RB1CC1: variants seen among roughly 807,000 people sequenced by gnomAD.
The protein encoded by RB1CC1 is RB1-inducible coiled-coil protein 1.
RB1CC1 carries 46 observed loss-of-function variants against 177.5 expected under a neutral mutation model. The ratio of observed to expected loss-of-function variants is 0.26; its 90% confidence interval spans 0.20 to 0.33. The LOEUF is 0.33. Ranked by LOEUF, RB1CC1 falls within the 10% of genes least tolerant of loss-of-function variation. The probability of loss-of-function intolerance (pLI) is 1.00; values close to 1 mark genes in which losing one functional copy is unlikely to be tolerated. For missense variants in RB1CC1, 1,703 were observed against 1,816.3 expected (o/e 0.94, Z 1.13); for synonymous variants, 666 against 613.6 (o/e 1.09, Z -1.26).
chr8:52,698,783 C>T (rs1855726093), intron 1 of RB1CC1, among the ~76,000 whole-genome samples: 1 of 138,930 alleles, frequency 7.2e-6, no homozygotes, highest in African/African-American at 2.7e-5. Context: ...CTCCCCTTCC[C>T]GAATTCAAGT....
intron 1 of RB1CC1, among the ~76,000 whole-genome samples, chr8:52,707,933 T>C (rs916508925): frequency 2.6e-5 from 4 of 152,194 alleles, no homozygotes; most frequent in South Asian, 2.1e-4. Flanking sequence ...CACATATCAG[T>C]TGACAATCTA....
chr8:52,675,714 C>CAA lies in RB1CC1; in HGVS notation c.572+653_572+654dup, dbSNP rs1306544323. 8.6e-3 allele frequency among the ~76,000 whole-genome samples: 526 copies of CAA among 61,248 alleles called. 35 individuals carry two copies. Among genetic ancestry groups the CAA allele is most frequent in the African/African-American group, 0.019 (280 of 14,484 alleles). The allele number at this position is 61,248 out of a possible 152,430, so 40.2% of individuals were successfully genotyped here. A position where few individuals can be genotyped will look rare whatever the true frequency, so the allele number is the denominator to read the frequency against. ...TGAAACCCCATCTCTACTAAAAATC[C>CAA]AAAAAAAAAAAAAAAAAAAAAAATT... On this transcript the variant is annotated intron_variant, in intron 6 of 23. Coordinates refer to ENST00000025008, the MANE Select transcript of RB1CC1 (RefSeq NM_014781.5).
chr8:52,664,076 A>G (rs935983981), intron 8 of RB1CC1, among the ~76,000 whole-genome samples: 10 of 152,230 alleles, frequency 6.6e-5, no homozygotes, highest in Non-Finnish European at 1.2e-4. Flanking sequence ...TGCTTCTGCT[A>G]AAACCTTGAC....
intron 13 of RB1CC1, among the ~76,000 whole-genome samples, chr8:52,658,325 T>A (rs1206603998): frequency 1.3e-5 from 2 of 152,080 alleles, no homozygotes; most frequent in Admixed American, 1.3e-4. Context: ...ACACCTATAA[T>A]CCAAGCACTT....
rs181148067 is a variant in RB1CC1, at chr8:52,677,308, A to G, written c.370-737T>C. On this transcript the variant is annotated intron_variant, in intron 5 of 23. Coordinates refer to ENST00000025008, the MANE Select transcript of RB1CC1 (RefSeq NM_014781.5). ...ATTTAACTTAAGTATAAAGGTATGA[A>G]AAGAATATGAACAAAGATAGGGAAA... 2.4e-3 allele frequency among the ~76,000 whole-genome samples: 359 copies of G among 152,306 alleles called. 1 individual carries two copies. Among genetic ancestry groups the G allele is most frequent in the Admixed American group, 5.5e-3 (84 of 15,300 alleles).
At chr8:52,660,038 G>A (rs192680403) in intron 12 of RB1CC1, among the ~76,000 whole-genome samples, 1 of 152,184 alleles carries the variant, frequency 6.6e-6, no homozygotes, top group Non-Finnish European at 1.5e-5. Context: ...TCTGATGGGG[G>A]TAAAAGCCCC....
intron 8 of RB1CC1, 94 bp downstream of exon 8, chr8:52,667,926 GA>G: frequency 8.2e-7 from 1 of 1,219,288 alleles, no homozygotes. Context: ...AGGAAAAAGT[GA>G]AAATATGGTG....
At chr8:52,649,716 A>G (rs1047199506) in intron 15 of RB1CC1, among the ~76,000 whole-genome samples, 2 of 152,218 alleles carry the variant, frequency 1.3e-5, no homozygotes, top group African/African-American at 4.8e-5. Flanking sequence ...ACTCAGATCC[A>G]CATCACTACT....
At chr8:52,678,324 G>A (rs777706572) in intron 5 of RB1CC1, among the ~76,000 whole-genome samples, 2 of 152,190 alleles carry the variant, frequency 1.3e-5, no homozygotes, top group Non-Finnish European at 2.9e-5. Context: ...AGCTGAGGGA[G>A]GAGAATCACT....
chr8:52,692,592 T>C (rs1269420949), intron 1 of RB1CC1, among the ~76,000 whole-genome samples: 1 of 152,112 alleles, frequency 6.6e-6, no homozygotes, highest in Non-Finnish European at 1.5e-5. Context: ...AGAAAGAAAG[T>C]TGTAAAAACT....
chr8:52,669,878 A>G (rs1272253305), intron 7 of RB1CC1, among the ~76,000 whole-genome samples: 1 of 151,962 alleles, frequency 6.6e-6, no homozygotes. Context: ...GAATTTAATA[A>G]TTCATTGAAA....
Position 52,656,268 on chromosome 8 carries a change from C to A in RB1CC1, c.3561G>T (p.Leu1187Phe), listed in dbSNP as rs771528162. 7 of 1,613,184 alleles carry A rather than the reference C, an allele frequency of 4.3e-6. No homozygotes were observed. The highest frequency in any genetic ancestry group is 5.9e-6 in the Non-Finnish European group (7 of 1,179,800). Residue 1187 changes from leucine to phenylalanine, a missense_variant, in exon 15 of 24, where the codon TTG becomes TTT. Coordinates refer to ENST00000025008, the MANE Select transcript of RB1CC1 (RefSeq NM_014781.5). ...IELQSKLDSELSALERQKDEK... is the reference protein window; with the variant it reads ...IELQSKLDSEFSALERQKDEK... ...CATCTTTTTGTCTTTCAAGAGCACT[C>A]AATTCTGAATCCAATTTACTCTGCA...
At chr8:52,714,026 AC>A in intron 1 of RB1CC1, 48 bp downstream of exon 1, 1 of 330,084 alleles carries the variant, frequency 3.0e-6, no homozygotes, top group Non-Finnish European at 6.1e-6. Context: ...CCGCCGCGCG[AC>A]CGCTGTGCCA....
intron 1 of RB1CC1, among the ~76,000 whole-genome samples, chr8:52,708,865 T>C (rs1856821286): frequency 1.3e-5 from 2 of 152,198 alleles, no homozygotes; most frequent in Non-Finnish European, 2.9e-5. Context: ...GGAGAATTGC[T>C]AATAACTGCA....
rs1234731341 is a variant in RB1CC1 at position 52,683,632 on chromosome 8, T to G, written c.286A>C (p.Asn96His). The G allele has an allele frequency of 6.2e-7, 1 of 1,612,724 alleles. No homozygotes were observed. The highest frequency in any genetic ancestry group is 1.3e-5 in the African/African-American group (1 of 74,878). Residue 96 changes from asparagine (N) to histidine (H), a missense_variant, in exon 5 of 24, where the codon AAT (asparagine) becomes CAT (histidine). Coordinates refer to ENST00000025008, the MANE Select transcript of RB1CC1 (RefSeq NM_014781.5). ...TCTTCAACTTTTATTTCCATGTCAT[T>G]TTCTGTCGAAAAGGTAGTTTTAGGA... ...AIPKTTFSTE[N>H]DMEIKVEESL... is the part of the protein sequence containing the mutation.
chr8:52,668,909 C>T (rs181226764), intron 7 of RB1CC1, among the ~76,000 whole-genome samples: 2 of 152,314 alleles, frequency 1.3e-5, no homozygotes, highest in African/African-American at 2.4e-5. Flanking sequence ...CTACTGGTTC[C>T]TTCACAGCAT....
At chr8:52,701,952 CA>C (rs1856107896) in intron 1 of RB1CC1, among the ~76,000 whole-genome samples, 2 of 152,066 alleles carry the variant, frequency 1.3e-5, no homozygotes, top group South Asian at 4.1e-4. Context: ...GGATTACAGG[CA>C]CCTGCCACCA....
chr8:52,684,974 A>AAAGATTT (rs753105557), intron 3 of RB1CC1, among the ~76,000 whole-genome samples: 121 of 151,924 alleles, frequency 8.0e-4, no homozygotes, highest in Non-Finnish European at 1.2e-3. Flanking sequence ...TGTTGGGATA[A>AAAGATTT]AAGATTTAAG....
chr8:52,701,021 T>G (rs1021177546), intron 1 of RB1CC1, among the ~76,000 whole-genome samples: 5 of 152,204 alleles, frequency 3.3e-5, no homozygotes, highest in African/African-American at 1.2e-4. Flanking sequence ...GTAAGTTGTA[T>G]AAATTGGACT....
Sources: allele counts gnomAD v4.1 joint callset (sites outside exome capture counted in the v4.1 genomes callset), GRCh38; gene constraint gnomAD v4.1.1; transcripts MANE v1.5; gene names NCBI Gene and HGNC (gene_info 2026-07-23, HGNC 2026-07-21).